SAE1: variants seen among roughly 807,000 people sequenced by gnomAD.
SAE1 encodes SUMO1 activating enzyme subunit 1.
In SAE1, 11 loss-of-function variants were observed where a neutral mutation model predicts 40.6. The observed-to-expected ratio is 0.27, with a 90% CI of 0.17 to 0.45. The LOEUF is 0.45. Among genes scored for constraint, SAE1 ranks in the 20% least tolerant of loss-of-function variants. The pLI is 1.00. For synonymous variants in SAE1, 155 were observed against 154.3 expected (o/e 1.00, Z -0.03); for missense variants, 373 against 427.3 (o/e 0.87, Z 1.12).
rs2058402784 is a variant in SAE1 at position 47,167,651 on chromosome 19, C to T, written c.628-2167C>T. ...TTAGCTTCCCAAATTATGCTGTTAT[C>T]ATCTTGTCTCTCTGTTCTTTAAATA... On this transcript the variant is annotated intron_variant, in intron 5 of 8. Coordinates refer to ENST00000270225, the MANE Select transcript of SAE1 (RefSeq NM_005500.3). Among the ~76,000 whole-genome samples, 3 of 152,106 alleles carry T rather than the reference C, an allele frequency of 2.0e-5. No individual in the cohort carries two copies. In the South Asian group the frequency reaches 6.2e-4, roughly 32 times the overall value.
chr19:47,154,787 C>T (rs2058310697), intron 4 of SAE1, among the ~76,000 whole-genome samples: 1 of 152,178 alleles, frequency 6.6e-6, no homozygotes, highest in South Asian at 2.1e-4. Flanking sequence ...TGAGCCACTG[C>T]ACCCAGCCAA....
chr19:47,198,383 A>G (rs1156925982), intron 7 of SAE1, among the ~76,000 whole-genome samples: 1 of 152,100 alleles, frequency 6.6e-6, no homozygotes, highest in East Asian at 1.9e-4. Flanking sequence ...AAGTGCTGAG[A>G]TTACAGGCAT....
intron 3 of SAE1, 56 bp from the exon 4 acceptor site, chr19:47,152,842 G>A: frequency 6.5e-7 from 1 of 1,544,882 alleles, no homozygotes; most frequent in Non-Finnish European, 8.9e-7. Context: ...TAGACATCAG[G>A]GCAGTGATTC....
chr19:47,208,254 TTTTG>T (rs542242028), intron 8 of SAE1, among the ~76,000 whole-genome samples: 24 of 152,148 alleles, frequency 1.6e-4, no homozygotes, highest in South Asian at 4.2e-4. Flanking sequence ...TAAGGTGTTT[TTTTG>T]TTTGTTTGTT....
At position 47,182,491 on chromosome 19, in the gene SAE1, GTGTGTGCGCGCACGCA is replaced by G. The variant is rs921562457; in HGVS notation, c.733+12569_733+12584del. Among the ~76,000 whole-genome samples the G allele has an allele frequency of 7.1e-3, 1,029 of 145,914 alleles. 12 individuals are homozygous for G. The highest frequency in any genetic ancestry group is 0.026 in the African/African-American group (993 of 37,994). ...TGTGTGTGTGTGTGTGTGTGTGTGT[GTGTGTGCGCGCACGCA>G]CGCGCGCGCGCACACCACTGCCTTA... is the stretch of plus-strand genomic sequence containing the variant. On this transcript the variant is annotated intron_variant, in intron 6 of 8. Transcript: ENST00000270225.
intron 6 of SAE1, among the ~76,000 whole-genome samples, chr19:47,171,258 C>A (rs1463756911): frequency 6.6e-6 from 1 of 151,318 alleles, no homozygotes; most frequent in Non-Finnish European, 1.5e-5. Flanking sequence ...CAGGTGTGAG[C>A]CACCGCGCCT....
intron 1 of SAE1, among the ~76,000 whole-genome samples, chr19:47,135,340 C>T (rs565839019): frequency 3.9e-5 from 6 of 152,242 alleles, no homozygotes; most frequent in African/African-American, 1.4e-4. Context: ...ACTACCCTTC[C>T]TAGCCTCTGG....
chr19:47,209,490 C>A lies in SAE1; in HGVS notation c.*239C>A. The A allele has an allele frequency of 1.6e-6, 1 of 625,168 alleles. No individual in the cohort carries two copies. Among genetic ancestry groups the A allele is most frequent in the Non-Finnish European group, 2.7e-6 (1 of 365,264 alleles). 38.7% of individuals were successfully genotyped at this position (625,168 alleles called of 1,614,324 possible). A position where few individuals can be genotyped will look rare whatever the true frequency, so the allele number is the denominator to read the frequency against. ...AGCACTGTTCAGGCTGCCTGTCATC[C>A]CGGGCCTGCCAGCTCCCCTGAGTGA... On this transcript the variant is annotated 3_prime_UTR_variant, in exon 9 of 9. Coordinates refer to ENST00000270225, the MANE Select transcript of SAE1 (RefSeq NM_005500.3).
chr19:47,167,603 G>T (rs1269620178), intron 5 of SAE1, among the ~76,000 whole-genome samples: 1 of 152,064 alleles, frequency 6.6e-6, no homozygotes, highest in Non-Finnish European at 1.5e-5. Context: ...AAACTGCCTG[G>T]TAACTGATAG....
chr19:47,172,015 T>C (rs187751776), intron 6 of SAE1, among the ~76,000 whole-genome samples: 1 of 152,188 alleles, frequency 6.6e-6, no homozygotes, highest in African/African-American at 2.4e-5. Flanking sequence ...CACCTCCCGG[T>C]TCAAACAGTT....
At chr19:47,203,442 G>A (rs1464929009) in intron 7 of SAE1, among the ~76,000 whole-genome samples, 1 of 152,184 alleles carries the variant, frequency 6.6e-6, no homozygotes, top group African/African-American at 2.4e-5. Flanking sequence ...AAAGTATTGT[G>A]AAAGAATTTC....
intron 2 of SAE1, among the ~76,000 whole-genome samples, chr19:47,149,273 T>A (rs2058272926): frequency 6.7e-6 from 1 of 149,474 alleles, no homozygotes; most frequent in Non-Finnish European, 1.5e-5. Flanking sequence ...CCTGTTGAAG[T>A]GATTCTCCTG....
At chr19:47,151,695 T>A (rs964676049) in intron 3 of SAE1, among the ~76,000 whole-genome samples, 4 of 152,242 alleles carry the variant, frequency 2.6e-5, no homozygotes, top group Non-Finnish European at 5.9e-5. Flanking sequence ...TCCTAGTCCC[T>A]TCTATTTTTT....
chr19:47,156,278 A>AG (rs929184599), intron 5 of SAE1, among the ~76,000 whole-genome samples: 1 of 151,540 alleles, frequency 6.6e-6, no homozygotes, highest in Non-Finnish European at 1.5e-5. Flanking sequence ...CTAAAAAAAA[A>AG]AAAAGCAAAA....
At chr19:47,169,684 C>A in intron 5 of SAE1, 134 bp from the exon 6 acceptor site, 1 of 687,696 alleles carries the variant, frequency 1.5e-6, no homozygotes, top group Non-Finnish European at 2.6e-6. Context: ...TTTCTTGGAT[C>A]AAATGGCCCC....
chr19:47,179,876 G>C (rs1050812284), intron 6 of SAE1, among the ~76,000 whole-genome samples: 1 of 152,128 alleles, frequency 6.6e-6, no homozygotes, highest in South Asian at 2.1e-4. Flanking sequence ...GTTTTTCACA[G>C]TGATAGGGGT....
intron 6 of SAE1, among the ~76,000 whole-genome samples, chr19:47,186,536 G>T (rs1226776518): frequency 6.6e-6 from 1 of 152,088 alleles, no homozygotes; most frequent in African/African-American, 2.4e-5. Flanking sequence ...GAGGGTGCAG[G>T]TCCCTCAGCC....
At chr19:47,138,458 G>C (rs2058196389) in intron 1 of SAE1, among the ~76,000 whole-genome samples, 1 of 152,224 alleles carries the variant, frequency 6.6e-6, no homozygotes. Flanking sequence ...GAGCTTAGTA[G>C]AACAGTGCTT....
At chr19:47,149,521 A>C (rs901245058) in intron 2 of SAE1, among the ~76,000 whole-genome samples, 1 of 152,062 alleles carries the variant, frequency 6.6e-6, no homozygotes, top group Non-Finnish European at 1.5e-5. Flanking sequence ...AATCCTTTAA[A>C]CTACTTGTGT....
Sources: gnomAD v4.1 joint callset for allele counts (sites outside exome capture counted in the v4.1 genomes callset) on GRCh38, gnomAD v4.1.1 for gene constraint, MANE v1.5 for transcripts, NCBI Gene and HGNC (gene_info 2026-07-23, HGNC 2026-07-21) for gene names.